BRIP1: variants seen among roughly 807,000 people sequenced by gnomAD.
BRIP1 encodes BRCA1 interacting DNA helicase 1.
A neutral mutation model predicts 119.7 loss-of-function variants in BRIP1; 88 were observed. The observed-to-expected ratio is 0.74, with a 90% CI of 0.62 to 0.88. The LOEUF is 0.88. Ranked by LOEUF, BRIP1 falls within the 40% of genes least tolerant of loss-of-function variation. The pLI, the probability that BRIP1 is intolerant of heterozygous loss-of-function variation, is 0.00. For missense variants in BRIP1, 1,259 were observed against 1,455.4 expected, an observed-to-expected ratio of 0.87 and a Z score of 2.20; for synonymous variants, 443 against 496.5, an observed-to-expected ratio of 0.89 and a Z score of 1.43.
intron 19 of BRIP1, chr17:61,685,627 G>A: frequency 3.5e-6 from 2 of 571,066 alleles, no homozygotes; most frequent in East Asian, 2.9e-5. Context: ...GGCAAAGCCA[G>A]TTAGTGGAAA....
rs879754395 is a variant in BRIP1, at chr17:61,689,147, G to A, written c.2576-2982C>T. 1.3e-5 allele frequency among the ~76,000 whole-genome samples: 2 copies of A among 150,898 alleles called. No individual in the cohort carries two copies. The highest frequency in any genetic ancestry group is 2.4e-5 in the African/African-American group (1 of 40,828). ...AAACCTCCGCCTCCCTGATTCAAGC[G>A]ATTCTCCTGCCTCGGCCTCTCAAGT... On this transcript the variant is annotated intron_variant, in intron 18 of 19. Coordinates refer to ENST00000259008, the MANE Select transcript of BRIP1 (RefSeq NM_032043.3). This position sits in a 1 kb window ranked among gnomAD's most constrained non-coding sequence, Gnocchi z 4.5.
At position 61,861,414 on chromosome 17, in the gene BRIP1, T is replaced by C. The variant is rs2145862826; in HGVS notation, c.93+33A>G. On this transcript the variant is annotated intron_variant, in intron 2 of 19. Coordinates refer to ENST00000259008, the MANE Select transcript of BRIP1 (RefSeq NM_032043.3). This position sits in a 1 kb window ranked among gnomAD's most constrained non-coding sequence, Gnocchi z 4.5. ...TTTATGGGTCATAAGTATCTATATC[T>C]TAATAAAAACTTAACTGCTGAAAAA... 3 of 1,397,330 alleles carry C rather than the reference T, an allele frequency of 2.1e-6. No homozygotes were observed. The highest frequency in any genetic ancestry group is 3.0e-6 in the Non-Finnish European group (3 of 983,628). The allele number at this position is 1,397,330 out of a possible 1,614,324, so 86.6% of individuals were successfully genotyped here.
chr17:61,680,669 C>T lies in BRIP1; in HGVS notation c.*2627G>A, dbSNP rs1307794764. The stretch of plus-strand genomic sequence containing the variant: ...TAATTTTTTGTATTTTTAGTAGAGA[C>T]GGGGTTTCACCGTGTTAACCAGGAT... On this transcript the variant is annotated 3_prime_UTR_variant, in exon 20 of 20. Transcript: ENST00000259008. 5.9e-5 allele frequency among the ~76,000 whole-genome samples: 9 copies of T among 151,666 alleles called. No homozygotes were observed. The highest frequency in any genetic ancestry group is 2.2e-4 in the African/African-American group (9 of 41,400).
At chr17:61,696,107 T>C (rs2061515385) in intron 17 of BRIP1, among the ~76,000 whole-genome samples, 1 of 152,078 alleles carries the variant, frequency 6.6e-6, no homozygotes, top group Non-Finnish European at 1.5e-5. Context: ...GAGCTTTTAA[T>C]AGATGACCTC....
rs929302190 is a variant in BRIP1 at position 61,735,531 on chromosome 17, G to A, written c.2379+7482C>T. 4.6e-5 allele frequency among the ~76,000 whole-genome samples: 7 copies of A among 151,806 alleles called. No individual in the cohort carries two copies. In the East Asian group the frequency reaches 1.4e-3, roughly 29 times the overall value. On this transcript the variant is annotated intron_variant, in intron 16 of 19. Coordinates refer to ENST00000259008, the MANE Select transcript of BRIP1 (RefSeq NM_032043.3). This position sits in a 1 kb window ranked among gnomAD's most constrained non-coding sequence, Gnocchi z 4.4. Reference sequence around the variant, plus strand: ...GGGCTAGGCACGGTGGCTCACACTTGTAATCCCAGCACTTTGGGAGGCTGA... The same window carrying A: ...GGGCTAGGCACGGTGGCTCACACTTATAATCCCAGCACTTTGGGAGGCTGA...
chr17:61,806,751 G>A lies in BRIP1; in HGVS notation c.918+1716C>T, dbSNP rs2078079181. 6.6e-6 allele frequency among the ~76,000 whole-genome samples: 1 copy of A among 152,174 alleles called. No individual in the cohort carries two copies. Among genetic ancestry groups the A allele is most frequent in the Non-Finnish European group, 1.5e-5 (1 of 68,018 alleles). On this transcript the variant is annotated intron_variant, in intron 7 of 19. Coordinates refer to ENST00000259008, the MANE Select transcript of BRIP1 (RefSeq NM_032043.3). This position sits in a 1 kb window ranked among gnomAD's most constrained non-coding sequence, Gnocchi z 4.9. ...CTTGCTCTGTTGCCCAGGCTGCAGTGCAGTGGCGCGATCTTGGCTCACTGC... is the reference window on the plus strand; with the variant it reads ...CTTGCTCTGTTGCCCAGGCTGCAGTACAGTGGCGCGATCTTGGCTCACTGC...
At chr17:61,849,366 A>G in intron 4 of BRIP1, 110 bp from the exon 5 acceptor site, 1 of 899,410 alleles carries the variant, frequency 1.1e-6, no homozygotes, top group East Asian at 2.5e-5. Flanking sequence ...ATTTCATACC[A>G]TAATCTAAAA....
At position 61,825,156 on chromosome 17, in the gene BRIP1, G is replaced by T. The variant is rs11079457; in HGVS notation, c.628-16399C>A. Among the ~76,000 whole-genome samples the T allele has an allele frequency of 0.036, 5,453 of 151,952 alleles. 347 individuals carry two copies. The highest frequency in any genetic ancestry group is 0.12 in the African/African-American group (5,134 of 41,420). ...AAAAATTAGCTGGGCAAGGTGGCGG[G>T]CACCTGTAGTCTCAGCTACTAGGGA... is the stretch of plus-strand genomic sequence containing the variant. On this transcript the variant is annotated intron_variant, in intron 6 of 19. Transcript: ENST00000259008. The surrounding 1 kb of genome is among the most constrained non-coding windows in gnomAD (Gnocchi z 4.1).
Position 61,792,188 on chromosome 17 carries a change from T to C in BRIP1, c.1473+1409A>G, listed in dbSNP as rs1204559757. On this transcript the variant is annotated intron_variant, in intron 10 of 19. Coordinates refer to ENST00000259008, the MANE Select transcript of BRIP1 (RefSeq NM_032043.3). ...CTCAAATTCCTGGGTTCAAGCAATC[T>C]TCCTGCCTCAGCCTCCCAAGTAGCT... is the stretch of plus-strand genomic sequence containing the variant. Among the ~76,000 whole-genome samples the C allele has an allele frequency of 2.0e-5, 3 of 152,134 alleles. No individual in the cohort carries two copies. In the East Asian group the frequency reaches 5.8e-4, roughly 29 times the overall value.
chr17:61,836,330 GA>G (rs1484319542), intron 6 of BRIP1, among the ~76,000 whole-genome samples: 5 of 151,934 alleles, frequency 3.3e-5, no homozygotes, highest in African/African-American at 1.2e-4. Flanking sequence ...TGCCCAGGCT[GA>G]TCTCAAACTC....
Position 61,815,900 on chromosome 17 carries a change from C to G in BRIP1, c.628-7143G>C, listed in dbSNP as rs545010075. ...TCTTTATCAACCATTTGCTGTTGTC[C>G]AAGCCATCTAAACAGGTACTGAATG... On this transcript the variant is annotated intron_variant, in intron 6 of 19. Transcript: ENST00000259008. This position sits in a 1 kb window ranked among gnomAD's most constrained non-coding sequence, Gnocchi z 4.1. Among the ~76,000 whole-genome samples, 4 of 152,208 alleles carry G rather than the reference C, an allele frequency of 2.6e-5. No homozygotes were observed. Among genetic ancestry groups the G allele is most frequent in the African/African-American group, 7.2e-5 (3 of 41,458 alleles).
At position 61,684,020 on chromosome 17, in the gene BRIP1, C is replaced by T. The variant is rs1555572908; in HGVS notation, c.3026G>A (p.Gly1009Glu). The T allele has an allele frequency of 1.2e-6, 2 of 1,614,044 alleles. No homozygotes were observed. The highest frequency in any genetic ancestry group is 2.2e-5 in the East Asian group (1 of 44,876). The change falls in exon 20 of 20, where the codon GGA becomes GAA. Residue 1009 changes from glycine (G) to glutamate (E), a missense_variant. Transcript: ENST00000259008. The surrounding 1 kb of genome is among the most constrained non-coding windows in gnomAD (Gnocchi z 4.5). ...CGGTATTTTACCAGTAAAATACTGT[C>T]CCAAAGAATTAAAGCTTGACCAGCT... ...RVSWSSFNSL[G>E]QYFTGKIPKA... is the part of the protein sequence containing the mutation.
chr17:61,775,407 GTATCAATATTGTCATTCAAATATATTAC>G lies in BRIP1; in HGVS notation c.2097+966_2097+993del, dbSNP rs2077518122. On this transcript the variant is annotated intron_variant, in intron 14 of 19. Transcript: ENST00000259008. The surrounding 1 kb of genome is among the most constrained non-coding windows in gnomAD (Gnocchi z 4.4). ...TAAAAAGACAGTAGAAGAGTCAAAA[GTATCAATATTGTCATTCAAATATATTAC>G]TTCCAAATGCTTCTGTCCTTAGAGG... Among the ~76,000 whole-genome samples the G allele has an allele frequency of 1.3e-5, 2 of 152,062 alleles. No homozygotes were observed. Among genetic ancestry groups the G allele is most frequent in the Non-Finnish European group, 2.9e-5 (2 of 67,992 alleles).
At chr17:61,694,586 C>T (rs1293531007) in intron 17 of BRIP1, among the ~76,000 whole-genome samples, 1 of 151,970 alleles carries the variant, frequency 6.6e-6, no homozygotes, top group Non-Finnish European at 1.5e-5. Context: ...TTAACTTTTT[C>T]AAACACTGCC....
intron 6 of BRIP1, among the ~76,000 whole-genome samples, chr17:61,837,985 A>C (rs1003528807): frequency 1.3e-5 from 2 of 152,194 alleles, no homozygotes; most frequent in Admixed American, 6.5e-5. Flanking sequence ...AAAACTAAGA[A>C]AATTTGAAGA....
At chr17:61,773,675 C>G (rs541006296) in intron 14 of BRIP1, among the ~76,000 whole-genome samples, 1 of 151,276 alleles carries the variant, frequency 6.6e-6, no homozygotes, top group Admixed American at 6.6e-5. Context: ...AAAATTTTTG[C>G]GATCTACCCA....
chr17:61,761,471 C>T lies in BRIP1; in HGVS notation c.2097+14930G>A, dbSNP rs143975951. Among the ~76,000 whole-genome samples, 1 of 151,722 alleles carries T rather than the reference C, an allele frequency of 6.6e-6. No individual in the cohort carries two copies. The highest frequency in any genetic ancestry group is 1.9e-4 in the East Asian group (1 of 5,176). ...ATAGAAAAGAAAAAAGTGAAACTGCCCCTGTTTGCTGAAGACATAATCTTA... is the reference window on the plus strand; with the variant it reads ...ATAGAAAAGAAAAAAGTGAAACTGCTCCTGTTTGCTGAAGACATAATCTTA... On this transcript the variant is annotated intron_variant, in intron 14 of 19. Coordinates refer to ENST00000259008, the MANE Select transcript of BRIP1 (RefSeq NM_032043.3). This position sits in a 1 kb window ranked among gnomAD's most constrained non-coding sequence, Gnocchi z 6.4.
intron 14 of BRIP1, among the ~76,000 whole-genome samples, chr17:61,773,820 C>A (rs896039506): frequency 6.6e-6 from 1 of 152,052 alleles, no homozygotes; most frequent in Admixed American, 6.6e-5. Context: ...ATGCAGCCAA[C>A]AGACACATGA....
Position 61,860,517 on chromosome 17 carries a change from G to A in BRIP1, c.94-610C>T, listed in dbSNP as rs909266901. Among the ~76,000 whole-genome samples the A allele has an allele frequency of 6.6e-6, 1 of 152,094 alleles. No homozygotes were observed. The highest frequency in any genetic ancestry group is 2.4e-5 in the African/African-American group (1 of 41,422). Reference sequence around the variant, plus strand: ...TCTACTAAAAATCCAAAAATTAGCTGGGCGTGGTGGCGCATCCCTGTAATC... The same window carrying A: ...TCTACTAAAAATCCAAAAATTAGCTAGGCGTGGTGGCGCATCCCTGTAATC... On this transcript the variant is annotated intron_variant, in intron 2 of 19. Transcript: ENST00000259008. The surrounding 1 kb of genome is among the most constrained non-coding windows in gnomAD (Gnocchi z 4.1).
Sources: gnomAD v4.1 joint callset for allele counts (sites outside exome capture counted in the v4.1 genomes callset) on GRCh38, gnomAD v4.1.1 for gene constraint, Gnocchi (gnomAD v3.1) non-coding constraint, MANE v1.5 for transcripts, NCBI Gene and HGNC (gene_info 2026-07-23, HGNC 2026-07-21) for gene names.